The following NTM variants were observed in gnomAD, a reference collection of about 807,000 sequenced individuals.
NTM encodes the protein neurotrimin, also known as IgLON family member 2.
Under a neutral mutation model 42.1 loss-of-function variants are expected in NTM, and 13 were observed. That is an observed-to-expected ratio of 0.31 (90% confidence interval 0.20 to 0.49). The LOEUF is 0.49. NTM is among the 20% of genes least tolerant of loss of function. The pLI is 0.99. For synonymous variants in NTM, 187 were observed against 179.2 expected (o/e 1.04, Z -0.35); for missense variants, 373 against 452.8 (o/e 0.82, Z 1.60).
intron 3 of NTM, among the ~76,000 whole-genome samples, chr11:132,178,950 G>A (rs1054012348): frequency 4.6e-5 from 7 of 152,134 alleles, no homozygotes; most frequent in African/African-American, 1.7e-4. Context: ...CAGTTATTCA[G>A]TTCAAACAAT....
chr11:131,583,447 T>G (rs1416256665), intron 1 of NTM, among the ~76,000 whole-genome samples: 2 of 152,230 alleles, frequency 1.3e-5, no homozygotes, highest in African/African-American at 4.8e-5. Context: ...TGTTTTAACA[T>G]GAAATCATAA....
chr11:131,984,354 C>T (rs1421110210), intron 2 of NTM: 3 of 152,194 alleles, frequency 2.0e-5, no homozygotes, highest in African/African-American at 7.2e-5. Flanking sequence ...CAGTAAAACA[C>T]CTTATTTGGA....
rs146365642 is a variant in NTM, at chr11:132,168,872, A to G, written c.400+22358A>G. Among the ~76,000 whole-genome samples, 302 of 152,302 alleles carry G rather than the reference A, an allele frequency of 2.0e-3. 9 individuals carry two copies. The East Asian group carries it at 0.055, about 28-fold the overall frequency. On this transcript the variant is annotated intron_variant, in intron 3 of 8. Coordinates refer to ENST00000683400, the MANE Select transcript of NTM (RefSeq NM_001352005.2). ...CTATAAATAAGGCTGTGGCTCTGTC[A>G]AGCAGATCTTCACTTTACACATGTC... is the stretch of plus-strand genomic sequence containing the variant.
At chr11:132,115,607 T>C (rs1389656894) in intron 2 of NTM, among the ~76,000 whole-genome samples, 1 of 152,192 alleles carries the variant, frequency 6.6e-6, no homozygotes, top group Non-Finnish European at 1.5e-5. Flanking sequence ...GGCTCAGCCG[T>C]AGTCTGGATG....
chr11:132,268,066 G>T (rs1291814071), intron 4 of NTM, among the ~76,000 whole-genome samples: 1 of 151,978 alleles, frequency 6.6e-6, no homozygotes, highest in Non-Finnish European at 1.5e-5. Context: ...CAAGCCCCTG[G>T]GTTCATACCT....
intron 1 of NTM, among the ~76,000 whole-genome samples, chr11:131,907,858 T>C (rs1411509291): frequency 1.3e-5 from 2 of 152,208 alleles, no homozygotes; most frequent in Non-Finnish European, 2.9e-5. Context: ...TAAGTGTTGG[T>C]CATATTTAGG....
intron 1 of NTM, among the ~76,000 whole-genome samples, chr11:131,601,822 C>A (rs899874187): frequency 1.3e-5 from 2 of 152,166 alleles, no homozygotes; most frequent in Non-Finnish European, 2.9e-5. Flanking sequence ...ATTTATTCAA[C>A]AAACATTTAC....
intron 1 of NTM, among the ~76,000 whole-genome samples, chr11:131,885,341 G>T (rs546892651): frequency 6.6e-6 from 1 of 152,320 alleles, no homozygotes; most frequent in East Asian, 1.9e-4. Context: ...ATCTAGCATG[G>T]TGGAGCCCTT....
chr11:131,508,800 C>G (rs1382510634), intron 1 of NTM, among the ~76,000 whole-genome samples: 17 of 150,280 alleles, frequency 1.1e-4, no homozygotes, highest in Non-Finnish European at 1.9e-4. Context: ...AAACCAAACA[C>G]CGCATATTCT....
intron 4 of NTM, among the ~76,000 whole-genome samples, chr11:132,296,126 G>A (rs2094600712): frequency 6.6e-6 from 1 of 152,192 alleles, no homozygotes; most frequent in Non-Finnish European, 1.5e-5. Context: ...GGAGTTAAGA[G>A]CAGATGTAAG....
chr11:131,767,216 A>C, intron 1 of NTM: 2 of 577,004 alleles, frequency 3.5e-6, no homozygotes, highest in Non-Finnish European at 4.4e-6. Context: ...ATCCAAAAAG[A>C]GTTAAACAAT....
intron 3 of NTM, among the ~76,000 whole-genome samples, chr11:132,173,674 G>C (rs577467218): frequency 6.6e-6 from 1 of 152,294 alleles, no homozygotes; most frequent in South Asian, 2.1e-4. Flanking sequence ...TGTGGAGGAA[G>C]TAGGGCAAGT....
chr11:131,793,915 C>T (rs1230254131), intron 1 of NTM, among the ~76,000 whole-genome samples: 2 of 152,102 alleles, frequency 1.3e-5, no homozygotes, highest in African/African-American at 4.8e-5. Flanking sequence ...AAGGTTCTGA[C>T]CATGGAACCA....
intron 1 of NTM, among the ~76,000 whole-genome samples, chr11:131,732,739 G>A (rs554098521): frequency 7.9e-5 from 12 of 152,184 alleles, no homozygotes; most frequent in Non-Finnish European, 1.6e-4. Context: ...GGGTACTGGA[G>A]TAATTCTTAG....
chr11:131,715,723 T>C (rs2077626509), intron 1 of NTM, among the ~76,000 whole-genome samples: 1 of 152,226 alleles, frequency 6.6e-6, no homozygotes, highest in African/African-American at 2.4e-5. Context: ...ATTTGCATTT[T>C]CTAGAATTTC....
At chr11:132,203,360 G>A (rs1394411630) in intron 3 of NTM, among the ~76,000 whole-genome samples, 1 of 152,136 alleles carries the variant, frequency 6.6e-6, no homozygotes, top group Non-Finnish European at 1.5e-5. Flanking sequence ...ATTTTAATCT[G>A]ATCCACAGAA....
At chr11:131,566,736 C>T (rs1467763450) in intron 1 of NTM, among the ~76,000 whole-genome samples, 1 of 152,120 alleles carries the variant, frequency 6.6e-6, no homozygotes. Flanking sequence ...GCTAAGGTTT[C>T]CTGCTTTCGC....
intron 2 of NTM, among the ~76,000 whole-genome samples, chr11:132,005,113 C>T (rs966378156): frequency 2.0e-5 from 3 of 152,102 alleles, no homozygotes; most frequent in African/African-American, 7.2e-5. Flanking sequence ...AGTATTGACA[C>T]AGCTGGTCAT....
At chr11:131,685,783 C>A (rs1372328016) in intron 1 of NTM, among the ~76,000 whole-genome samples, 1 of 152,150 alleles carries the variant, frequency 6.6e-6, no homozygotes, top group African/African-American at 2.4e-5. Context: ...ATAGAAGTTC[C>A]ACACGAGCAG....
Sources: allele counts gnomAD v4.1 joint callset (sites outside exome capture counted in the v4.1 genomes callset), GRCh38; gene constraint gnomAD v4.1.1; transcripts MANE v1.5; gene names NCBI Gene and HGNC (gene_info 2026-07-23, HGNC 2026-07-21).